Variants in RASSF5 observed in about 807,000 individuals in gnomAD.
The protein encoded by RASSF5 is ras association domain-containing protein 5.
A neutral mutation model predicts 40.5 loss-of-function variants in RASSF5; 25 were observed. That is an observed-to-expected ratio of 0.62 (90% CI 0.45 to 0.86). The LOEUF (loss-of-function observed/expected upper bound fraction) is 0.86. RASSF5 is among the 40% of genes least tolerant of loss of function. The pLI is 0.00. For synonymous variants in RASSF5, 246 were observed against 252.4 expected (o/e 0.97, Z 0.24); for missense variants, 521 against 572.8 (o/e 0.91, Z 0.92).
intron 1 of RASSF5, among the ~76,000 whole-genome samples, 175 bp from the exon 2 acceptor site, chr1:206,537,997 T>A (rs1478697687): frequency 6.6e-6 from 1 of 152,228 alleles, no homozygotes; most frequent in South Asian, 2.1e-4. Context: ...CTTGCATCCT[T>A]CCTGGGGGAT....
intron 2 of RASSF5, among the ~76,000 whole-genome samples, chr1:206,581,638 A>T (rs551652732): frequency 1.3e-5 from 2 of 150,296 alleles, no homozygotes; most frequent in Admixed American, 6.6e-5. Context: ...GAGAGGGGGG[A>T]GAGAGAGAGA....
intron 1 of RASSF5, among the ~76,000 whole-genome samples, chr1:206,530,732 G>T (rs958092545): frequency 1.2e-4 from 19 of 152,364 alleles, no homozygotes; most frequent in Admixed American, 8.5e-4. Context: ...GTGGGGCAGG[G>T]TTACCCCTTA....
intron 2 of RASSF5, among the ~76,000 whole-genome samples, chr1:206,559,013 C>G (rs1199612933): frequency 1.3e-5 from 2 of 152,194 alleles, no homozygotes; most frequent in African/African-American, 4.8e-5. Flanking sequence ...GTATTTAGAC[C>G]AGTGGTTATC....
At chr1:206,511,626 A>G (rs945858504) in intron 1 of RASSF5, among the ~76,000 whole-genome samples, 11 of 152,150 alleles carry the variant, frequency 7.2e-5, no homozygotes, top group Admixed American at 5.9e-4. Context: ...TTGGAATTAC[A>G]TGGTTGAAAG....
Position 206,586,834 on chromosome 1 carries a change from C to T in RASSF5, c.1113C>T (p.Ala371=). Residue 371 remains alanine (A), a synonymous_variant, in exon 6 of 6, where the codon GCC becomes GCT. Transcript: ENST00000579436. ...TCCCTCTCGCCTCACAGTGGGATGC[C>T]TTCTCCATCCCTGAACTTCAGAACT... The part of the protein sequence containing the change: ...ENETGEVEWD[A]FSIPELQNFL... 1 of 1,612,950 alleles carries T rather than the reference C, an allele frequency of 6.2e-7. No homozygotes were observed. The highest frequency in any genetic ancestry group is 1.3e-5 in the African/African-American group (1 of 74,998).
At chr1:206,526,478 C>G (rs1667100930) in intron 1 of RASSF5, among the ~76,000 whole-genome samples, 1 of 152,172 alleles carries the variant, frequency 6.6e-6, no homozygotes, top group Non-Finnish European at 1.5e-5. Context: ...TGCAGATGTC[C>G]TGACCTGGCT....
At chr1:206,557,726 G>C (rs782277990) in intron 2 of RASSF5, 1 of 1,609,262 alleles carries the variant, frequency 6.2e-7, no homozygotes, top group South Asian at 1.1e-5. Flanking sequence ...GGAGCCTTTC[G>C]TGGGGGGAAA....
Position 206,586,841 on chromosome 1 carries a change from A to C in RASSF5, c.1120A>C (p.Ile374Leu), listed in dbSNP as rs781884773. The change falls in exon 6 of 6, where the codon ATC becomes CTC. Residue 374 changes from isoleucine to leucine, a missense_variant. Transcript: ENST00000579436. ...CGCCTCACAGTGGGATGCCTTCTCC[A>C]TCCCTGAACTTCAGAACTTCCTAAC... Reference protein sequence around the residue: ...TGEVEWDAFSIPELQNFLTIL... With the variant: ...TGEVEWDAFSLPELQNFLTIL... 1.2e-5 allele frequency: 19 copies of C among 1,613,800 alleles called. No homozygotes were observed. Among genetic ancestry groups the C allele is most frequent in the Non-Finnish European group, 1.5e-5 (18 of 1,179,916 alleles).
rs1553398532 is a variant in RASSF5, at chr1:206,535,633, A to G, written c.458-2539A>G. Reference sequence around the variant, plus strand: ...CTTATAAAATCCCAGAACACTTCTCAGAGTCTTCTGCTACTTAGTGTTGTC... The same window carrying G: ...CTTATAAAATCCCAGAACACTTCTCGGAGTCTTCTGCTACTTAGTGTTGTC... On this transcript the variant is annotated intron_variant, in intron 1 of 5. Coordinates refer to ENST00000579436, the MANE Select transcript of RASSF5 (RefSeq NM_182663.4). The surrounding 1 kb of genome is among the most constrained non-coding windows in gnomAD (Gnocchi z 5.0). Among the ~76,000 whole-genome samples, 1 of 151,988 alleles carries G rather than the reference A, an allele frequency of 6.6e-6. No homozygotes were observed. Among genetic ancestry groups the G allele is most frequent in the Non-Finnish European group, 1.5e-5 (1 of 68,022 alleles).
Position 206,560,373 on chromosome 1 carries a change from G to A in RASSF5, c.579+22080G>A, listed in dbSNP as rs1212750767. ...ATGCCCTTTGGGAAGAGGTCGGAGG[G>A]GTGGGAAAGGTCTCCCCATTTCATA... On this transcript the variant is annotated intron_variant, in intron 2 of 5. Transcript: ENST00000579436. This position sits in a 1 kb window ranked among gnomAD's most constrained non-coding sequence, Gnocchi z 5.1. 2.0e-5 allele frequency among the ~76,000 whole-genome samples: 3 copies of A among 152,176 alleles called. No individual in the cohort carries two copies. Among genetic ancestry groups the A allele is most frequent in the Non-Finnish European group, 4.4e-5 (3 of 68,022 alleles).
At chr1:206,555,677 A>T (rs782396762) in intron 2 of RASSF5, among the ~76,000 whole-genome samples, 1 of 152,198 alleles carries the variant, frequency 6.6e-6, no homozygotes, top group Non-Finnish European at 1.5e-5. Context: ...CAGAGAAGAC[A>T]GCTACTGGTA....
rs1472668348 is a variant in RASSF5, at chr1:206,513,937, C to T, written c.457+5878C>T. On this transcript the variant is annotated intron_variant, in intron 1 of 5. Transcript: ENST00000579436. This position sits in a 1 kb window ranked among gnomAD's most constrained non-coding sequence, Gnocchi z 5.0. ...AGGTCAAGACTATCTTGACTCACAC[C>T]TGGGGAAGTGACTTTTGAGTTTTTT... Among the ~76,000 whole-genome samples, 1 of 152,194 alleles carries T rather than the reference C, an allele frequency of 6.6e-6. No individual in the cohort carries two copies. The highest frequency in any genetic ancestry group is 1.5e-5 in the Non-Finnish European group (1 of 68,042).
rs1304489759 is a variant in RASSF5, at chr1:206,560,644, A to G, written c.579+22351A>G. Among the ~76,000 whole-genome samples the G allele has an allele frequency of 6.6e-6, 1 of 152,138 alleles. No individual in the cohort carries two copies. The highest frequency in any genetic ancestry group is 1.5e-5 in the Non-Finnish European group (1 of 68,002). On this transcript the variant is annotated intron_variant, in intron 2 of 5. Coordinates refer to ENST00000579436, the MANE Select transcript of RASSF5 (RefSeq NM_182663.4). The surrounding 1 kb of genome is among the most constrained non-coding windows in gnomAD (Gnocchi z 5.1). ...GTTTCTCTGGGTCAGGCATGTCACA[A>G]ATGGGGCCTGGGGGAGAGCCAGCCT...
At chr1:206,516,741 GC>G (rs1666756124) in intron 1 of RASSF5, among the ~76,000 whole-genome samples, 1 of 152,206 alleles carries the variant, frequency 6.6e-6, no homozygotes, top group South Asian at 2.1e-4. Flanking sequence ...ACGGGCATCA[GC>G]CACCACGCCT....
rs186241268 is a variant in RASSF5 at position 206,569,612 on chromosome 1, G to A, written c.580-13657G>A. Among the ~76,000 whole-genome samples the A allele has an allele frequency of 5.6e-3, 854 of 152,304 alleles. 7 individuals are homozygous for A. Among genetic ancestry groups the A allele is most frequent in the South Asian group, 7.9e-3 (38 of 4,828 alleles). On this transcript the variant is annotated intron_variant, in intron 2 of 5. Transcript: ENST00000579436. ...CCCTGTGACAGCCATCTCAAATTAT[G>A]TCAAAGTAATATATTTTATCTTTTT...
At chr1:206,523,244 T>C (rs1666953117) in intron 1 of RASSF5, among the ~76,000 whole-genome samples, 1 of 149,106 alleles carries the variant, frequency 6.7e-6, no homozygotes. Context: ...GTGGAGGTTG[T>C]GGTGAGCAGA....
At position 206,579,169 on chromosome 1, in the gene RASSF5, C is replaced by T. The variant is rs1465054583; in HGVS notation, c.580-4100C>T. Reference sequence around the variant, plus strand: ...CACAAACCTGTTTTTCACCAGTGCCCTGGACATGCCAAGTGCATTGGGAAC... The same window carrying T: ...CACAAACCTGTTTTTCACCAGTGCCTTGGACATGCCAAGTGCATTGGGAAC... On this transcript the variant is annotated intron_variant, in intron 2 of 5. Transcript: ENST00000579436. The surrounding 1 kb of genome is among the most constrained non-coding windows in gnomAD (Gnocchi z 4.2). 1.3e-5 allele frequency among the ~76,000 whole-genome samples: 2 copies of T among 152,180 alleles called. No individual in the cohort carries two copies. Among genetic ancestry groups the T allele is most frequent in the Non-Finnish European group, 2.9e-5 (2 of 68,034 alleles).
At chr1:206,524,586 A>G (rs1323923621) in intron 1 of RASSF5, among the ~76,000 whole-genome samples, 4 of 124,392 alleles carry the variant, frequency 3.2e-5, no homozygotes, top group African/African-American at 1.4e-4. Context: ...TATAAAATAT[A>G]TATTATATAT....
At position 206,507,613 on chromosome 1, in the gene RASSF5, C is replaced by A; in HGVS notation, c.11C>A (p.Ala4Glu). MAM[A>E]SPAIGQRPYP... is the part of the protein sequence containing the mutation. ...CGCCACTAGCCGGGCATGGCCATGG[C>A]GTCCCCGGCCATCGGGCAGCGCCCG... Residue 4 changes from alanine (A) to glutamate (E), a missense_variant, in exon 1 of 6, where the codon GCG (alanine) becomes GAG (glutamate). By Grantham distance (107) the Ala-to-Glu change is moderately radical (BLOSUM62 -1). Coordinates refer to ENST00000579436, the MANE Select transcript of RASSF5 (RefSeq NM_182663.4). 6.6e-7 allele frequency: 1 copy of A among 1,516,746 alleles called. No individual in the cohort carries two copies. The highest frequency in any genetic ancestry group is 2.8e-5 in the East Asian group (1 of 35,522). The allele number at this position is 1,516,746 out of a possible 1,614,324, so 94.0% of individuals were successfully genotyped here. A position where few individuals can be genotyped will look rare whatever the true frequency, so the allele number is the denominator to read the frequency against.
Sources: gnomAD v4.1 joint callset for allele counts (sites outside exome capture counted in the v4.1 genomes callset) on GRCh38, gnomAD v4.1.1 for gene constraint, Gnocchi (gnomAD v3.1) non-coding constraint, MANE v1.5 for transcripts, NCBI Gene and HGNC (gene_info 2026-07-23, HGNC 2026-07-21) for gene names.